CACNA2D1: variants seen among roughly 807,000 people sequenced by gnomAD.
CACNA2D1 encodes calcium voltage-gated channel auxiliary subunit alpha2delta 1.
CACNA2D1 carries 53 observed loss-of-function variants against 171.5 expected under a neutral mutation model. The ratio of observed to expected loss-of-function variants is 0.31; its 90% CI spans 0.25 to 0.39. The LOEUF (loss-of-function observed/expected upper bound fraction) is 0.39. Ranked by LOEUF, CACNA2D1 falls within the 10% of genes least tolerant of loss-of-function variation. CACNA2D1 has a pLI of 1.00. For missense variants in CACNA2D1, 903 were observed against 1,299.8 expected (o/e 0.69, Z 4.69); for synonymous variants, 442 against 443.1 (o/e 1.00, Z 0.03).
rs143111892 is a variant in CACNA2D1 at position 82,103,025 on chromosome 7, T to C, written c.526+14019A>G. 4.4e-3 allele frequency among the ~76,000 whole-genome samples: 663 copies of C among 152,202 alleles called. 4 individuals carry two copies. Among genetic ancestry groups the C allele is most frequent in the East Asian group, 0.015 (76 of 5,172 alleles). On this transcript the variant is annotated intron_variant, in intron 6 of 38. Transcript: ENST00000356860. ...GTGGATAAACAAAAGAGGAACAACTTGGCCAGGCGCTTGGGCTCATGCTGG... is the reference window on the plus strand; with the variant it reads ...GTGGATAAACAAAAGAGGAACAACTCGGCCAGGCGCTTGGGCTCATGCTGG...
chr7:81,953,738 A>T (rs1489293721), intron 38 of CACNA2D1, among the ~76,000 whole-genome samples: 1 of 152,116 alleles, frequency 6.6e-6, no homozygotes, highest in African/African-American at 2.4e-5. Flanking sequence ...AGTACTCCCC[A>T]GTTATGATTA....
intron 4 of CACNA2D1, among the ~76,000 whole-genome samples, chr7:82,145,240 T>TTATATAAATATATAAATTATATAAAA (rs1792847122): frequency 7.2e-6 from 1 of 139,522 alleles, no homozygotes; most frequent in Non-Finnish European, 1.6e-5. Context: ...AAAATATAAA[T>TTATATAAATATATAAATTATATAAAA]TATATAAATA....
chr7:82,170,437 T>G (rs1169630164), intron 4 of CACNA2D1, 113 bp downstream of exon 4: 7 of 930,214 alleles, frequency 7.5e-6, no homozygotes, highest in Non-Finnish European at 1.2e-5. Context: ...TGATTATTTT[T>G]AATCCCACAA....
intron 3 of CACNA2D1, among the ~76,000 whole-genome samples, chr7:82,245,389 T>C (rs1027415751): frequency 6.6e-6 from 1 of 152,168 alleles, no homozygotes; most frequent in Non-Finnish European, 1.5e-5. Flanking sequence ...TCTTTATTCT[T>C]GCAGAAGTCT....
intron 3 of CACNA2D1, among the ~76,000 whole-genome samples, chr7:82,265,631 C>T (rs542623350): frequency 3.9e-5 from 6 of 151,914 alleles, no homozygotes; most frequent in Non-Finnish European, 8.8e-5. Context: ...TTACAGCAAA[C>T]CCCTGTGAAA....
intron 3 of CACNA2D1, among the ~76,000 whole-genome samples, chr7:82,175,194 G>A (rs901297649): frequency 6.6e-6 from 1 of 151,676 alleles, no homozygotes; most frequent in African/African-American, 2.4e-5. Flanking sequence ...AAAATCATCA[G>A]GGATCATATA....
At chr7:82,277,526 G>C (rs546723335) in intron 3 of CACNA2D1, among the ~76,000 whole-genome samples, 1 of 151,936 alleles carries the variant, frequency 6.6e-6, no homozygotes, top group African/African-American at 2.4e-5. Context: ...TACAACAATG[G>C]CTATAGACTG....
At chr7:82,287,764 C>T (rs1323812091) in intron 3 of CACNA2D1, among the ~76,000 whole-genome samples, 1 of 152,006 alleles carries the variant, frequency 6.6e-6, no homozygotes, top group Non-Finnish European at 1.5e-5. Flanking sequence ...AATTATCAGC[C>T]ATCTAACAAC....
chr7:82,415,866 T>A (rs1828119478), intron 1 of CACNA2D1, among the ~76,000 whole-genome samples: 2 of 152,064 alleles, frequency 1.3e-5, no homozygotes, highest in Admixed American at 6.5e-5. Flanking sequence ...AGATCATATT[T>A]TGGAATCCAA....
At chr7:81,979,892 G>C (rs1459403873) in intron 24 of CACNA2D1, among the ~76,000 whole-genome samples, 1 of 151,930 alleles carries the variant, frequency 6.6e-6, no homozygotes. Context: ...GCCAGCAATG[G>C]ATTCACTATT....
chr7:82,111,325 C>G (rs543849636), intron 6 of CACNA2D1, among the ~76,000 whole-genome samples: 2 of 110,348 alleles, frequency 1.8e-5, no homozygotes, highest in African/African-American at 3.9e-5. Flanking sequence ...CGTGTATATA[C>G]GCATACACGT....
intron 37 of CACNA2D1, among the ~76,000 whole-genome samples, 170 bp downstream of exon 37, chr7:81,959,550 T>TA (rs1793851080): frequency 1.3e-5 from 2 of 152,228 alleles, no homozygotes; most frequent in African/African-American, 4.8e-5. Context: ...ATGTGTAGCA[T>TA]AATTATTCTT....
At chr7:82,012,708 A>G (rs1047511046) in intron 14 of CACNA2D1, among the ~76,000 whole-genome samples, 7 of 152,116 alleles carry the variant, frequency 4.6e-5, no homozygotes, top group African/African-American at 1.7e-4. Flanking sequence ...TAAAGGAAAT[A>G]CTGTGCCAAA....
intron 4 of CACNA2D1, among the ~76,000 whole-genome samples, chr7:82,145,157 T>C (rs184891067): frequency 2.8e-4 from 42 of 150,202 alleles, no homozygotes; most frequent in African/African-American, 9.5e-4. Flanking sequence ...CAAATACTTA[T>C]ACCTCCTGTG....
chr7:82,088,043 G>GTT (rs1810688484), intron 6 of CACNA2D1, among the ~76,000 whole-genome samples: 1 of 151,964 alleles, frequency 6.6e-6, no homozygotes. Flanking sequence ...GTTTCTGTCT[G>GTT]TCTCTCTAAA....
chr7:81,959,633 T>G, intron 37 of CACNA2D1, 87 bp downstream of exon 37: 1 of 1,381,830 alleles, frequency 7.2e-7, no homozygotes, highest in Non-Finnish European at 1.0e-6. Context: ...CTAATAGTTT[T>G]CTCTTTATGA....
intron 3 of CACNA2D1, among the ~76,000 whole-genome samples, chr7:82,270,033 G>C (rs983277596): frequency 3.3e-5 from 5 of 152,056 alleles, no homozygotes; most frequent in African/African-American, 1.2e-4. Flanking sequence ...GCCTTATTTT[G>C]TTATACAGTT....
intron 1 of CACNA2D1, among the ~76,000 whole-genome samples, chr7:82,373,811 T>C (rs2129448542): frequency 6.6e-6 from 1 of 152,336 alleles, no homozygotes; most frequent in Admixed American, 6.5e-5. Flanking sequence ...AATCTATGCA[T>C]TAGTGTATCT....
intron 4 of CACNA2D1, among the ~76,000 whole-genome samples, chr7:82,142,291 C>A (rs796187624): frequency 5.3e-5 from 8 of 152,182 alleles, no homozygotes; most frequent in Non-Finnish European, 8.8e-5. Flanking sequence ...CTGCTGCTTA[C>A]TGAAATTTCA....
Sources: allele counts gnomAD v4.1 joint callset (sites outside exome capture counted in the v4.1 genomes callset), GRCh38; gene constraint gnomAD v4.1.1; transcripts MANE v1.5; gene names NCBI Gene and HGNC (gene_info 2026-07-23, HGNC 2026-07-21).